The following XIRP2 variants were observed in gnomAD, a reference collection of about 807,000 sequenced individuals.
The protein encoded by XIRP2 is xin actin binding repeat containing 2, also known as xin actin-binding repeat-containing protein 2.
In XIRP2, 236 loss-of-function variants were observed where a neutral mutation model predicts 277.0. That is an observed-to-expected ratio of 0.85 (90% CI 0.77 to 0.95). The LOEUF (loss-of-function observed/expected upper bound fraction) is 0.95, where lower values mean the gene tolerates loss of function less well. Among genes scored for constraint, XIRP2 ranks in the 40% least tolerant of loss-of-function variants. The pLI is 0.00. For synonymous variants in XIRP2, 1,490 were observed against 1,416.5 expected (o/e 1.05, Z -1.17); for missense variants, 4,640 against 4,157.5 (o/e 1.12, Z -3.19).
Position 167,250,787 on chromosome 2 carries a change from G to A in XIRP2, c.9395G>A (p.Arg3132Gln), listed in dbSNP as rs1281649066. Residue 3132 changes from arginine to glutamine, a missense_variant, in exon 9 of 11, where the codon CGA becomes CAA. By Grantham distance (43) the Arg-to-Gln change is conservative. Transcript: ENST00000409195. ...TFITIESTAR[R>Q]TENPTKNELS... is the part of the protein sequence containing the mutation. ...ATCACAATAGAATCTACTGCCCGACGAACAGAAAACCCTACTAAGAACGAG... is the reference window on the plus strand; with the variant it reads ...ATCACAATAGAATCTACTGCCCGACAAACAGAAAACCCTACTAAGAACGAG... The A allele has an allele frequency of 6.2e-7, 1 of 1,612,992 alleles. No homozygotes were observed. Among genetic ancestry groups the A allele is most frequent in the Admixed American group, 1.7e-5 (1 of 59,922 alleles).
chr2:167,131,789 ATTAG>A (rs996412160), intron 2 of XIRP2, among the ~76,000 whole-genome samples: 6 of 152,110 alleles, frequency 3.9e-5, no homozygotes, highest in Non-Finnish European at 7.3e-5. Context: ...GATGACTTAA[ATTAG>A]TTGTTCAGTT....
intron 2 of XIRP2, among the ~76,000 whole-genome samples, chr2:166,962,175 G>T (rs1475483460): frequency 4.6e-5 from 7 of 151,662 alleles, no homozygotes; most frequent in African/African-American, 1.7e-4. Context: ...AGCTTAAAAA[G>T]TAAAAATATC....
In XIRP2 at chr2:167,009,514, G is replaced by A. The variant is rs537311312; in HGVS notation, c.408+105624G>A. Reference sequence around the variant, plus strand: ...AGTCTTTGCTATTGTGAATAGTGCCGCAACAAACATGCGTGTGCATGTGTC... The same window carrying A: ...AGTCTTTGCTATTGTGAATAGTGCCACAACAAACATGCGTGTGCATGTGTC... On this transcript the variant is annotated intron_variant, in intron 2 of 10. Coordinates refer to ENST00000409195, the MANE Select transcript of XIRP2 (RefSeq NM_152381.6). 9.2e-5 allele frequency among the ~76,000 whole-genome samples: 14 copies of A among 152,022 alleles called. No homozygotes were observed. In the South Asian group the frequency reaches 1.4e-3, roughly 16 times the overall value.
At chr2:167,125,541 T>G (rs1399737516) in intron 2 of XIRP2, among the ~76,000 whole-genome samples, 1 of 152,190 alleles carries the variant, frequency 6.6e-6, no homozygotes, top group Non-Finnish European at 1.5e-5. Context: ...TAGAGGTAGC[T>G]ACCTCATTAG....
intron 2 of XIRP2, among the ~76,000 whole-genome samples, chr2:166,967,675 C>A (rs554754037): frequency 3.3e-5 from 5 of 152,006 alleles, no homozygotes; most frequent in South Asian, 2.1e-4. Context: ...AACCACATTA[C>A]ATAAACTTAC....
At chr2:167,185,224 A>T (rs1269586992) in intron 3 of XIRP2, among the ~76,000 whole-genome samples, 1 of 152,088 alleles carries the variant, frequency 6.6e-6, no homozygotes, top group East Asian at 1.9e-4. Flanking sequence ...CAGTTAATTT[A>T]TGTGTGCTCC....
intron 2 of XIRP2, among the ~76,000 whole-genome samples, chr2:167,085,598 C>G (rs1019794046): frequency 2.0e-5 from 3 of 151,992 alleles, no homozygotes; most frequent in East Asian, 1.9e-4. Context: ...GTAGGTCACT[C>G]AGGACTTGCT....
At chr2:166,926,143 T>C (rs529211048) in intron 2 of XIRP2, among the ~76,000 whole-genome samples, 29 of 152,160 alleles carry the variant, frequency 1.9e-4, no homozygotes, top group Non-Finnish European at 2.9e-4. Flanking sequence ...TTTAGAAGAA[T>C]CTTGCTTGAG....
At chr2:167,059,447 GA>G (rs1021883020) in intron 2 of XIRP2, among the ~76,000 whole-genome samples, 4 of 101,318 alleles carry the variant, frequency 3.9e-5, no homozygotes, top group Non-Finnish European at 7.4e-5. Flanking sequence ...TTAACATGTG[GA>G]AAAAAATAAA....
intron 2 of XIRP2, among the ~76,000 whole-genome samples, chr2:166,968,477 T>C (rs1686487479): frequency 6.6e-6 from 1 of 152,022 alleles, no homozygotes; most frequent in African/African-American, 2.4e-5. Context: ...AACTAAAGAA[T>C]TCGACATTCC....
At chr2:167,076,974 GCACATGCCCCCC>G (rs1689589134) in intron 2 of XIRP2, among the ~76,000 whole-genome samples, 1 of 151,884 alleles carries the variant, frequency 6.6e-6, no homozygotes, top group African/African-American at 2.4e-5. Flanking sequence ...CAGGTTACAG[GCACATGCCCCCC>G]TACTTGGCTC....
intron 2 of XIRP2, among the ~76,000 whole-genome samples, chr2:167,032,677 CA>C (rs1444234577): frequency 1.5e-4 from 23 of 151,640 alleles, no homozygotes; most frequent in Admixed American, 2.6e-4. Context: ...TTTATGCAGC[CA>C]AAAATATATG....
chr2:166,979,908 T>A (rs1686822945), intron 2 of XIRP2, among the ~76,000 whole-genome samples: 2 of 151,140 alleles, frequency 1.3e-5, no homozygotes, highest in Non-Finnish European at 2.9e-5. Context: ...GAATTTTTTC[T>A]TTCTCTTCTA....
intron 2 of XIRP2, among the ~76,000 whole-genome samples, chr2:167,135,429 G>A (rs1242481940): frequency 2.0e-5 from 3 of 152,028 alleles, no homozygotes; most frequent in Admixed American, 6.6e-5. Context: ...TTCAATGTAT[G>A]CTGGCTGAAT....
intron 2 of XIRP2, among the ~76,000 whole-genome samples, chr2:167,088,762 A>C (rs1264310787): frequency 2.0e-5 from 3 of 152,158 alleles, no homozygotes; most frequent in Non-Finnish European, 4.4e-5. Flanking sequence ...TCCTTTCTGC[A>C]AACTCTTCCC....
At chr2:166,980,567 C>A (rs1246109390) in intron 2 of XIRP2, among the ~76,000 whole-genome samples, 1 of 152,082 alleles carries the variant, frequency 6.6e-6, no homozygotes, top group African/African-American at 2.4e-5. Flanking sequence ...CAGGCACCCG[C>A]CACCACGTCT....
At chr2:167,052,580 C>T (rs141543462) in intron 2 of XIRP2, among the ~76,000 whole-genome samples, 1 of 151,932 alleles carries the variant, frequency 6.6e-6, no homozygotes, top group East Asian at 1.9e-4. Flanking sequence ...TTTCTTCCAT[C>T]GATCTACATA....
At chr2:166,958,950 G>C (rs935334697) in intron 2 of XIRP2, among the ~76,000 whole-genome samples, 2 of 151,720 alleles carry the variant, frequency 1.3e-5, no homozygotes, top group African/African-American at 4.8e-5. Flanking sequence ...CAGAAGGCCA[G>C]GAAAACTCTA....
chr2:167,144,446 G>A (rs574111127), intron 3 of XIRP2, among the ~76,000 whole-genome samples: 2 of 151,990 alleles, frequency 1.3e-5, no homozygotes, highest in African/African-American at 4.8e-5. Context: ...CTTTGTACTG[G>A]CTAAGACAAA....
Sources: allele counts gnomAD v4.1 joint callset (sites outside exome capture counted in the v4.1 genomes callset), GRCh38; gene constraint gnomAD v4.1.1; transcripts MANE v1.5; gene names NCBI Gene and HGNC (gene_info 2026-07-23, HGNC 2026-07-21).